FRMD5: variants seen among roughly 807,000 people sequenced by gnomAD.
FRMD5 encodes the protein FERM domain-containing protein 5.
FRMD5 carries 20 observed loss-of-function variants against 69.0 expected under a neutral mutation model. The ratio of observed to expected loss-of-function variants is 0.29; its 90% CI spans 0.20 to 0.42. The LOEUF is 0.42. Among genes scored for constraint, FRMD5 ranks in the 10% least tolerant of loss-of-function variants. The pLI is 1.00. For missense variants in FRMD5, 595 were observed against 708.6 expected, an observed-to-expected ratio of 0.84 and a Z score of 1.82; for synonymous variants, 271 against 260.1, an observed-to-expected ratio of 1.04 and a Z score of -0.40.
intron 4 of FRMD5, among the ~76,000 whole-genome samples, chr15:43,916,118 G>A (rs1420903804): frequency 6.6e-6 from 1 of 152,204 alleles, no homozygotes; most frequent in Non-Finnish European, 1.5e-5. Context: ...GTGAGGTTGA[G>A]AGAGAGGGGA....
intron 1 of FRMD5, among the ~76,000 whole-genome samples, chr15:43,984,206 C>T (rs899737556): frequency 6.6e-6 from 1 of 152,224 alleles, no homozygotes; most frequent in African/African-American, 2.4e-5. Flanking sequence ...CAGGCAGACT[C>T]ATTTCACTCT....
intron 1 of FRMD5, among the ~76,000 whole-genome samples, chr15:44,017,749 G>A (rs1172638473): frequency 5.3e-5 from 8 of 151,786 alleles, no homozygotes; most frequent in African/African-American, 1.9e-4. Context: ...GAGACTACAG[G>A]CGCCCGCCAC....
At chr15:44,078,634 G>T (rs1390713058) in intron 1 of FRMD5, among the ~76,000 whole-genome samples, 1 of 149,658 alleles carries the variant, frequency 6.7e-6, no homozygotes, top group African/African-American at 2.4e-5. Flanking sequence ...TATGCTATGA[G>T]AAATAAGCCA....
At chr15:43,970,178 A>C (rs2090353643) in intron 1 of FRMD5, among the ~76,000 whole-genome samples, 1 of 152,212 alleles carries the variant, frequency 6.6e-6, no homozygotes, top group Non-Finnish European at 1.5e-5. Context: ...TTTAAGATAA[A>C]TCTCTATTCT....
chr15:43,975,963 C>T (rs1298734937), intron 1 of FRMD5, among the ~76,000 whole-genome samples: 1 of 151,236 alleles, frequency 6.6e-6, no homozygotes, highest in Admixed American at 6.6e-5. Flanking sequence ...ATAAATAGAC[C>T]CACACATGTT....
At chr15:44,010,872 A>G (rs1053875015) in intron 1 of FRMD5, among the ~76,000 whole-genome samples, 12 of 152,154 alleles carry the variant, frequency 7.9e-5, no homozygotes, top group African/African-American at 2.7e-4. Context: ...TTCATTACTC[A>G]ACGTTAAAAA....
chr15:44,051,632 C>A (rs1892670803), intron 1 of FRMD5, among the ~76,000 whole-genome samples: 1 of 152,042 alleles, frequency 6.6e-6, no homozygotes, highest in Admixed American at 6.5e-5. Flanking sequence ...ATTCTAGGAT[C>A]TCACAATATA....
chr15:44,034,709 C>T (rs1891831503), intron 1 of FRMD5, among the ~76,000 whole-genome samples: 1 of 152,206 alleles, frequency 6.6e-6, no homozygotes, highest in Non-Finnish European at 1.5e-5. Context: ...TCCTCAGCAA[C>T]TTCAGCTAAT....
intron 1 of FRMD5, among the ~76,000 whole-genome samples, chr15:43,934,572 G>A (rs1329135342): frequency 6.6e-6 from 1 of 152,156 alleles, no homozygotes; most frequent in Non-Finnish European, 1.5e-5. Flanking sequence ...TAACTAAACA[G>A]AATCCATTCA....
chr15:44,181,379 C>T (rs1209237205), intron 1 of FRMD5, among the ~76,000 whole-genome samples: 3 of 151,948 alleles, frequency 2.0e-5, no homozygotes, highest in East Asian at 1.9e-4. Flanking sequence ...GTTATAGATA[C>T]ACAAAATTGC....
intron 4 of FRMD5, among the ~76,000 whole-genome samples, chr15:43,910,298 T>C (rs965240417): frequency 6.6e-6 from 1 of 151,910 alleles, no homozygotes; most frequent in African/African-American, 2.4e-5. Context: ...GTCGATCTGG[T>C]GCCGAAAAAG....
At chr15:44,135,998 T>G (rs763317394) in intron 1 of FRMD5, among the ~76,000 whole-genome samples, 4 of 152,070 alleles carry the variant, frequency 2.6e-5, no homozygotes, top group Non-Finnish European at 5.9e-5. Flanking sequence ...CCAGGAAAAT[T>G]ATTAAATAGA....
intron 5 of FRMD5, among the ~76,000 whole-genome samples, chr15:43,909,640 T>C (rs2089248635): frequency 6.6e-6 from 1 of 151,868 alleles, no homozygotes; most frequent in Non-Finnish European, 1.5e-5. Context: ...GCCACCACAC[T>C]GGCTAACTTT....
chr15:43,897,131 C>T (rs2088929069), intron 7 of FRMD5, among the ~76,000 whole-genome samples: 1 of 152,094 alleles, frequency 6.6e-6, no homozygotes, highest in Admixed American at 6.6e-5. Flanking sequence ...ACCTGCCACA[C>T]AGCCAAGATG....
At chr15:44,181,202 A>AT (rs1389706094) in intron 1 of FRMD5, among the ~76,000 whole-genome samples, 3 of 150,060 alleles carry the variant, frequency 2.0e-5, no homozygotes, top group African/African-American at 7.4e-5. Flanking sequence ...ACCACACCTA[A>AT]TTTTTTTTTT....
intron 1 of FRMD5, among the ~76,000 whole-genome samples, chr15:44,123,344 C>G (rs1218916334): frequency 6.8e-6 from 1 of 147,268 alleles, no homozygotes; most frequent in African/African-American, 2.5e-5. Flanking sequence ...AACTCCATCT[C>G]AAAAAAAAAA....
chr15:44,148,569 C>T (rs537105894), intron 1 of FRMD5, among the ~76,000 whole-genome samples: 2 of 152,200 alleles, frequency 1.3e-5, no homozygotes, highest in South Asian at 4.1e-4. Flanking sequence ...CCGTGCCCAA[C>T]CTACATTTTT....
intron 1 of FRMD5, among the ~76,000 whole-genome samples, chr15:43,944,265 T>C (rs2089908132): frequency 6.6e-6 from 1 of 152,246 alleles, no homozygotes; most frequent in South Asian, 2.1e-4. Flanking sequence ...CAGAGTGGGC[T>C]AATGTGCTCG....
At chr15:43,956,495 CT>C (rs762683612) in intron 1 of FRMD5, among the ~76,000 whole-genome samples, 29 of 151,122 alleles carry the variant, frequency 1.9e-4, no homozygotes, top group Non-Finnish European at 2.7e-4. Flanking sequence ...TGTGAGACGA[CT>C]TTTTTTTTGC....
Sources: gnomAD v4.1 joint callset for allele counts (sites outside exome capture counted in the v4.1 genomes callset) on GRCh38, gnomAD v4.1.1 for gene constraint, MANE v1.5 for transcripts, NCBI Gene and HGNC (gene_info 2026-07-23, HGNC 2026-07-21) for gene names.